SMC6: variants seen among roughly 807,000 people sequenced by gnomAD.
SMC6 encodes structural maintenance of chromosomes protein 6.
SMC6 carries 79 observed loss-of-function variants against 142.2 expected under a neutral mutation model. That is an observed-to-expected ratio of 0.56 (90% CI 0.46 to 0.67). SMC6 has a LOEUF of 0.67. Ranked by LOEUF, SMC6 falls within the 30% of genes least tolerant of loss-of-function variation. The pLI is 0.00. For missense variants in SMC6, 1,072 were observed against 1,284.0 expected, an observed-to-expected ratio of 0.83 and a Z score of 2.52; for synonymous variants, 411 against 412.4, an observed-to-expected ratio of 1.00 and a Z score of 0.04.
rs547816927 is a variant in SMC6, at chr2:17,724,022, T to C, written c.726+1235A>G. 2.6e-5 allele frequency among the ~76,000 whole-genome samples: 4 copies of C among 152,332 alleles called. No homozygotes were observed. The South Asian group carries it at 8.3e-4, about 32-fold the overall frequency. On this transcript the variant is annotated intron_variant, in intron 9 of 27. Coordinates refer to ENST00000448223, the MANE Select transcript of SMC6 (RefSeq NM_001142286.2). The stretch of plus-strand genomic sequence containing the variant: ...TTCATAATTACAATATCTTTAATTG[T>C]TACTGGTATACTTTGTATACCATGG...
At chr2:17,680,813 A>C (rs1667205094) in intron 24 of SMC6, 1 of 152,204 alleles carries the variant, frequency 6.6e-6, no homozygotes, top group South Asian at 2.1e-4. Context: ...AAGTAGATTT[A>C]GCACAATTCT....
At chr2:17,687,828 CAATT>C (rs751159903) in intron 23 of SMC6, among the ~76,000 whole-genome samples, 18 of 151,998 alleles carry the variant, frequency 1.2e-4, no homozygotes, top group Non-Finnish European at 1.8e-4. Context: ...TAAATCAAGT[CAATT>C]AATAACTACA....
intron 23 of SMC6, among the ~76,000 whole-genome samples, chr2:17,688,398 G>A (rs533561008): frequency 6.6e-6 from 1 of 151,686 alleles, no homozygotes; most frequent in South Asian, 2.1e-4. Flanking sequence ...ACCAAAGATG[G>A]AACAATTTAA....
At chr2:17,734,187 G>C (rs986867115) in intron 5 of SMC6, among the ~76,000 whole-genome samples, 1 of 152,134 alleles carries the variant, frequency 6.6e-6, no homozygotes, top group African/African-American at 2.4e-5. Flanking sequence ...AAGCCCCAGA[G>C]AGAGAAGTGA....
intron 20 of SMC6, among the ~76,000 whole-genome samples, chr2:17,700,798 G>C (rs1019044041): frequency 6.6e-6 from 1 of 151,998 alleles, no homozygotes; most frequent in African/African-American, 2.4e-5. Flanking sequence ...TTGGGAGGCC[G>C]ACACGGGTGG....
chr2:17,683,814 A>C (rs374698667), intron 23 of SMC6, 51 bp from the exon 24 acceptor site: 2 of 1,528,606 alleles, frequency 1.3e-6, no homozygotes, highest in Admixed American at 1.7e-5. Flanking sequence ...CGTAAAAAAC[A>C]TAACAGTAGA....
chr2:17,672,527 A>G (rs950445195), intron 25 of SMC6, among the ~76,000 whole-genome samples: 1 of 152,098 alleles, frequency 6.6e-6, no homozygotes, highest in African/African-American at 2.4e-5. Context: ...ACCACTACTG[A>G]GATCAAGACA....
chr2:17,721,260 C>A lies in SMC6; in HGVS notation c.728G>T (p.Arg243Leu), dbSNP rs777222919. 5 of 1,562,354 alleles carry A rather than the reference C, an allele frequency of 3.2e-6. No individual in the cohort carries two copies. The highest frequency in any genetic ancestry group is 4.3e-6 in the Non-Finnish European group (5 of 1,162,814). ...ACACTGGCGCTTTAGTTCAGTAAGCCGCTTAAAAAAAGAAAACAGAACGGA... is the reference window on the plus strand; with the variant it reads ...ACACTGGCGCTTTAGTTCAGTAAGCAGCTTAAAAAAAGAAAACAGAACGGA... ...TKEQIHQGEERLTELKRQCVE... is the reference protein window; with the variant it reads ...TKEQIHQGEELLTELKRQCVE... The change falls in exon 10 of 28, where the codon CGG becomes CTG. Residue 243 changes from arginine (R) to leucine (L), a missense_variant and splice_region_variant. This residue lies in a region of SMC6 where 994 missense variants were observed against 1,153.2 expected (regional missense o/e 0.86). Coordinates refer to ENST00000448223, the MANE Select transcript of SMC6 (RefSeq NM_001142286.2).
At chr2:17,680,551 G>C (rs1465845534) in intron 24 of SMC6, 2 of 152,186 alleles carry the variant, frequency 1.3e-5, no homozygotes, top group Non-Finnish European at 2.9e-5. Flanking sequence ...AGACTTGAAA[G>C]TTAAAATTAC....
At chr2:17,731,465 A>C (rs1255637254) in intron 6 of SMC6, among the ~76,000 whole-genome samples, 1 of 152,208 alleles carries the variant, frequency 6.6e-6, no homozygotes, top group African/African-American at 2.4e-5. Flanking sequence ...TGCTATAAAA[A>C]CCCTGGTGTG....
chr2:17,673,237 T>C (rs886272425), intron 25 of SMC6, among the ~76,000 whole-genome samples: 1 of 152,236 alleles, frequency 6.6e-6, no homozygotes, highest in Admixed American at 6.5e-5. Context: ...ATTTTAAATG[T>C]GATGTCAGTC....
intron 5 of SMC6, among the ~76,000 whole-genome samples, chr2:17,737,114 C>T (rs1179489076): frequency 1.3e-5 from 2 of 152,030 alleles, no homozygotes; most frequent in African/African-American, 4.8e-5. Flanking sequence ...TTTCCCAAGG[C>T]CATAGGGCAT....
Position 17,716,815 on chromosome 2 carries a change from T to C in SMC6, c.1272A>G (p.Glu424=), listed in dbSNP as rs1180311181. Residue 424 remains glutamate, a synonymous_variant, in exon 14 of 28, where the codon GAA becomes GAG. Transcript: ENST00000448223. ...KERVKAFQNQ[E]NSVNQEIEQF... is the part of the protein sequence containing the mutation. ...GTTCGATCTCTTGATTGACTGAATT[T>C]TCTTGATTTTGAAAGGCCTTTACTC... The C allele has an allele frequency of 1.9e-6, 3 of 1,613,624 alleles. No homozygotes were observed. Among genetic ancestry groups the C allele is most frequent in the Non-Finnish European group, 2.5e-6 (3 of 1,179,852 alleles).
chr2:17,719,793 C>A (rs1669279147), intron 11 of SMC6, among the ~76,000 whole-genome samples: 1 of 152,088 alleles, frequency 6.6e-6, no homozygotes, highest in Admixed American at 6.5e-5. Flanking sequence ...CGCTAAGTGT[C>A]CTATCTTTAC....
chr2:17,731,041 T>C (rs1365087483), intron 7 of SMC6, 37 bp downstream of exon 7: 1 of 1,515,308 alleles, frequency 6.6e-7, no homozygotes, highest in Admixed American at 1.7e-5. Flanking sequence ...AATGACAAGG[T>C]GTATGAATTA....
At chr2:17,743,501 C>A (rs1670577577) in intron 3 of SMC6, among the ~76,000 whole-genome samples, 1 of 152,134 alleles carries the variant, frequency 6.6e-6, no homozygotes, top group South Asian at 2.1e-4. Flanking sequence ...TATATACCCC[C>A]TACCCCCACA....
intron 21 of SMC6, among the ~76,000 whole-genome samples, chr2:17,698,690 T>C (rs1185276363): frequency 6.6e-6 from 1 of 152,104 alleles, no homozygotes; most frequent in Non-Finnish European, 1.5e-5. Context: ...CTTTTGTTTA[T>C]TTAGACAAGT....
chr2:17,707,709 A>G (rs1202524366), intron 17 of SMC6, among the ~76,000 whole-genome samples: 1 of 152,094 alleles, frequency 6.6e-6, no homozygotes, highest in East Asian at 1.9e-4. Context: ...TAGACTTTAG[A>G]CCAGTTCATA....
In SMC6 at chr2:17,665,565, A is replaced by G. The variant is rs1558319004; in HGVS notation, c.3210T>C (p.Pro1070=). Residue 1070 remains proline (P), a synonymous_variant, in exon 28 of 28, where the codon CCT becomes CCC. Coordinates refer to ENST00000448223, the MANE Select transcript of SMC6 (RefSeq NM_001142286.2). ...AAGGCAATGTAGTTTGTCCTCTTTC[A>G]GGATCAGACATTCGGAGAATTCTTA... ...KLIRILRMSD[P]ERGQTTLPFR... The G allele has an allele frequency of 3.7e-6, 6 of 1,611,408 alleles. No individual in the cohort carries two copies. The highest frequency in any genetic ancestry group is 4.2e-6 in the Non-Finnish European group (5 of 1,178,526).
Sources: allele counts gnomAD v4.1 joint callset (sites outside exome capture counted in the v4.1 genomes callset), GRCh38; gene constraint gnomAD v4.1.1; regional missense constraint gnomAD v4.1.1; transcripts MANE v1.5; gene names NCBI Gene and HGNC (gene_info 2026-07-23, HGNC 2026-07-21).